NRP2: variants seen among roughly 807,000 people sequenced by gnomAD.
NRP2 encodes neuropilin-2.
NRP2 carries 52 observed loss-of-function variants against 110.4 expected under a neutral mutation model. The observed-to-expected ratio is 0.47, with a 90% CI of 0.38 to 0.59. The LOEUF (loss-of-function observed/expected upper bound fraction) is 0.59. Ranked by LOEUF, NRP2 falls within the 20% of genes least tolerant of loss-of-function variation. The pLI, the probability that NRP2 is intolerant of heterozygous loss-of-function variation, is 0.00. For missense variants in NRP2, 1,049 were observed against 1,203.0 expected, an observed-to-expected ratio of 0.87 and a Z score of 1.89; for synonymous variants, 508 against 468.9, an observed-to-expected ratio of 1.08 and a Z score of -1.08.
intron 10 of NRP2, among the ~76,000 whole-genome samples, chr2:205,748,571 C>T (rs1432732869): frequency 3.3e-5 from 5 of 152,128 alleles, no homozygotes; most frequent in Non-Finnish European, 5.9e-5. Flanking sequence ...GGTGGGAAGC[C>T]GACCGTGAAA....
chr2:205,744,180 C>T (rs1423551137), intron 9 of NRP2, among the ~76,000 whole-genome samples: 1 of 152,138 alleles, frequency 6.6e-6, no homozygotes, highest in Non-Finnish European at 1.5e-5. Context: ...ATTCAGAAAC[C>T]GGAAGTCTGA....
chr2:205,729,883 T>TCCTCGCCC (rs2105832922), intron 7 of NRP2, among the ~76,000 whole-genome samples: 1 of 152,274 alleles, frequency 6.6e-6, no homozygotes, highest in African/African-American at 2.4e-5. Context: ...CTCTTTTGCC[T>TCCTCGCCC]CCTCTTTCCC....
chr2:205,732,282 T>A (rs1331066852), intron 7 of NRP2, among the ~76,000 whole-genome samples: 1 of 152,080 alleles, frequency 6.6e-6, no homozygotes, highest in Non-Finnish European at 1.5e-5. Flanking sequence ...TTTGGCCACA[T>A]CCCTTCAAAA....
chr2:205,737,041 G>C (rs564581608), intron 7 of NRP2, among the ~76,000 whole-genome samples: 1 of 152,350 alleles, frequency 6.6e-6, no homozygotes, highest in African/African-American at 2.4e-5. Context: ...ATTAAAAATG[G>C]ATTTTCATAA....
At chr2:205,732,600 C>T (rs2057261919) in intron 7 of NRP2, among the ~76,000 whole-genome samples, 1 of 152,290 alleles carries the variant, frequency 6.6e-6, no homozygotes. Flanking sequence ...GAAGGCTCTC[C>T]GCGGATATAA....
In NRP2 at chr2:205,775,450, C is replaced by T. The variant is rs6716427; in HGVS notation, c.2425+8647C>T. Among the ~76,000 whole-genome samples the T allele has an allele frequency of 6.3e-3, 952 of 152,256 alleles. 14 individuals carry two copies. Among genetic ancestry groups the T allele is most frequent in the African/African-American group, 0.021 (883 of 41,544 alleles). ...GTCATTAAGAATGATTTCCCTCCCT[C>T]TCTCTCTCACTCACTCACTCTCGCT... On this transcript the variant is annotated intron_variant, in intron 15 of 16. Coordinates refer to ENST00000357785, the MANE Select transcript of NRP2 (RefSeq NM_003872.3).
At position 205,716,391 on chromosome 2, in the gene NRP2, G is replaced by A. The variant is rs755359753; in HGVS notation, c.433+17G>A. ...TCAAGACAGGTCAGTGTGGTCACAC[G>A]TAGGGGCCGGGAGATGGGCGTCTTA... On this transcript the variant is annotated intron_variant, in intron 3 of 16. Coordinates refer to ENST00000357785, the MANE Select transcript of NRP2 (RefSeq NM_003872.3). 14 of 1,612,992 alleles carry A rather than the reference G, an allele frequency of 8.7e-6. No homozygotes were observed. The highest frequency in any genetic ancestry group is 1.2e-5 in the Non-Finnish European group (14 of 1,179,908).
chr2:205,717,156 G>A (rs1050379224), intron 3 of NRP2, among the ~76,000 whole-genome samples: 2 of 152,092 alleles, frequency 1.3e-5, no homozygotes, highest in Admixed American at 6.6e-5. Context: ...CCAGTGGTGT[G>A]TCCTCTTCTG....
intron 12 of NRP2, among the ~76,000 whole-genome samples, chr2:205,759,975 A>G (rs754674920): frequency 7.2e-5 from 11 of 152,364 alleles, no homozygotes; most frequent in Non-Finnish European, 1.5e-4. Context: ...TTAGGCTGGG[A>G]GTCCAATCCA....
rs1300041031 is a variant in NRP2 at position 205,738,657 on chromosome 2, A to G, written c.1147-1862A>G. On this transcript the variant is annotated intron_variant, in intron 7 of 16. Transcript: ENST00000357785. ...GTCTTCTCACTCCTTCTCATCCACAATCGCTATACAGGAAGCAGCAAAATC... is the reference window on the plus strand; with the variant it reads ...GTCTTCTCACTCCTTCTCATCCACAGTCGCTATACAGGAAGCAGCAAAATC... Among the ~76,000 whole-genome samples the G allele has an allele frequency of 3.3e-5, 5 of 152,106 alleles. No homozygotes were observed. The East Asian group carries it at 7.8e-4, about 24-fold the overall frequency.
At chr2:205,684,680 T>G (rs1321672444) in intron 1 of NRP2, among the ~76,000 whole-genome samples, 1 of 152,230 alleles carries the variant, frequency 6.6e-6, no homozygotes, top group Non-Finnish European at 1.5e-5. Flanking sequence ...TTGCCATAAG[T>G]GGTCTTCAGG....
intron 2 of NRP2, among the ~76,000 whole-genome samples, chr2:205,713,273 G>A (rs1377954980): frequency 2.0e-5 from 3 of 152,180 alleles, no homozygotes; most frequent in African/African-American, 4.8e-5. Flanking sequence ...GCAACACAAA[G>A]ACTGGAACTA....
intron 15 of NRP2, among the ~76,000 whole-genome samples, chr2:205,782,015 C>A (rs541579849): frequency 5.3e-5 from 8 of 152,028 alleles, no homozygotes; most frequent in Non-Finnish European, 1.0e-4. Flanking sequence ...TCTGTTTGGA[C>A]CCAAACCTAA....
intron 11 of NRP2, among the ~76,000 whole-genome samples, chr2:205,751,792 C>T (rs561691355): frequency 6.6e-6 from 1 of 152,290 alleles, no homozygotes; most frequent in African/African-American, 2.4e-5. Flanking sequence ...CTCTAAGAAC[C>T]CTGGGAAGGG....
chr2:205,704,406 C>T (rs2056630684), intron 2 of NRP2, among the ~76,000 whole-genome samples: 1 of 152,218 alleles, frequency 6.6e-6, no homozygotes, highest in Non-Finnish European at 1.5e-5. Context: ...TTATTTACTG[C>T]CTGCCCAACC....
chr2:205,733,305 G>A (rs796566802), intron 7 of NRP2, among the ~76,000 whole-genome samples: 1 of 152,160 alleles, frequency 6.6e-6, no homozygotes, highest in Non-Finnish European at 1.5e-5. Flanking sequence ...GGCGCTGATA[G>A]CCTTGATGTT....
rs1252964216 is a variant in NRP2 at position 205,743,475 on chromosome 2, C to T, written c.1564C>T (p.Arg522Cys). Reference sequence around the variant, plus strand: ...TGCTGTGGAAGCCAGAGCATTTGTGCGCAAGTTCAAAGTCTCCTACAGCCT... The same window carrying T: ...TGCTGTGGAAGCCAGAGCATTTGTGTGCAAGTTCAAAGTCTCCTACAGCCT... ...ITAVEARAFV[R>C]KFKVSYSLNG... is the part of the protein sequence containing the mutation. Residue 522 changes from arginine to cysteine, a missense_variant, in exon 9 of 17, where the codon CGC becomes TGC. Arg to Cys is a radical substitution (Grantham distance 180). Transcript: ENST00000357785. The T allele has an allele frequency of 1.9e-6, 3 of 1,614,198 alleles. No individual in the cohort carries two copies. Among genetic ancestry groups the T allele is most frequent in the Non-Finnish European group, 2.5e-6 (3 of 1,180,044 alleles).
intron 10 of NRP2, among the ~76,000 whole-genome samples, 153 bp downstream of exon 10, chr2:205,746,043 G>C (rs1366304094): frequency 6.6e-6 from 1 of 152,156 alleles, no homozygotes; most frequent in Non-Finnish European, 1.5e-5. Flanking sequence ...TCAGACCACG[G>C]GTACTGCAGC....
chr2:205,766,802 A>G lies in NRP2; in HGVS notation c.2424A>G (p.Ala808=). The change falls in exon 15 of 17, where the codon GCA becomes GCG. Residue 808 remains alanine, a splice_region_variant and synonymous_variant. Coordinates refer to ENST00000357785, the MANE Select transcript of NRP2 (RefSeq NM_003872.3). ...ENCMEPISAF[A]VDIPEIHERE... ...TTTCAGAACCCATCTCGGCTTTTGCAGGTGAGAATTTTAAAGGTAAAAAAA... is the reference window on the plus strand; with the variant it reads ...TTTCAGAACCCATCTCGGCTTTTGCGGGTGAGAATTTTAAAGGTAAAAAAA... 1 of 1,612,626 alleles carries G rather than the reference A, an allele frequency of 6.2e-7. No homozygotes were observed. The highest frequency in any genetic ancestry group is 8.5e-7 in the Non-Finnish European group (1 of 1,179,864).
Sources: allele counts gnomAD v4.1 joint callset (sites outside exome capture counted in the v4.1 genomes callset), GRCh38; gene constraint gnomAD v4.1.1; transcripts MANE v1.5; gene names NCBI Gene and HGNC (gene_info 2026-07-23, HGNC 2026-07-21).